Variants in NECAB1 observed in about 807,000 individuals in gnomAD.
The protein encoded by NECAB1 is N-terminal EF-hand calcium-binding protein 1.
In NECAB1, 29 loss-of-function variants were observed where a neutral mutation model predicts 57.5. The observed-to-expected ratio is 0.50, with a 90% confidence interval of 0.38 to 0.69. The LOEUF is 0.69. NECAB1 is among the 30% of genes least tolerant of loss of function. The pLI is 0.00. For synonymous variants in NECAB1, 142 were observed against 147.7 expected, an observed-to-expected ratio of 0.96 and a Z score of 0.28; for missense variants, 372 against 413.8, an observed-to-expected ratio of 0.90 and a Z score of 0.88.
At chr8:90,943,734 C>T (rs555760928) in intron 10 of NECAB1, among the ~76,000 whole-genome samples, 3 of 152,128 alleles carry the variant, frequency 2.0e-5, no homozygotes, top group Non-Finnish European at 4.4e-5. Flanking sequence ...TAAGGACTAA[C>T]AAGATTAGGC....
chr8:90,791,911 C>T lies in NECAB1; in HGVS notation c.25C>T (p.Pro9Ser). The change falls in exon 1 of 13, where the codon CCG (proline) becomes TCG (serine). Residue 9 changes from proline (P) to serine (S), a missense_variant. Transcript: ENST00000417640. MEDSQETS[P>S]SSNNSSEELS... ...GATGGAAGATTCCCAGGAGACATCGCCGTCCTCCAACAACTCCTCGGAGGA... is the reference window on the plus strand; with the variant it reads ...GATGGAAGATTCCCAGGAGACATCGTCGTCCTCCAACAACTCCTCGGAGGA... 6.4e-7 allele frequency: 1 copy of T among 1,552,026 alleles called. No homozygotes were observed. Among genetic ancestry groups the T allele is most frequent in the South Asian group, 1.2e-5 (1 of 84,074 alleles).
chr8:90,925,666 C>T lies in NECAB1; in HGVS notation c.616+10C>T, dbSNP rs755320177. ...AATGTCAGCGGTCCAGGTAACATAC[C>T]CTTCATTTGTTTTTATTTGTCAAAG... On this transcript the variant is annotated intron_variant, in intron 7 of 12. Coordinates refer to ENST00000417640, the MANE Select transcript of NECAB1 (RefSeq NM_022351.5). 1.2e-6 allele frequency: 2 copies of T among 1,613,090 alleles called. No individual in the cohort carries two copies. Among genetic ancestry groups the T allele is most frequent in the Non-Finnish European group, 1.7e-6 (2 of 1,179,490 alleles).
intron 3 of NECAB1, among the ~76,000 whole-genome samples, chr8:90,850,539 T>G (rs141453274): frequency 2.6e-5 from 4 of 152,250 alleles, no homozygotes; most frequent in Non-Finnish European, 5.9e-5. Flanking sequence ...TAAAGTATTG[T>G]TTGTCATAAA....
At chr8:90,872,096 T>TAAC (rs1205771441) in intron 3 of NECAB1, 32 bp from the exon 4 acceptor site, 2 of 1,522,270 alleles carry the variant, frequency 1.3e-6, no homozygotes, top group African/African-American at 2.8e-5. Flanking sequence ...ACCAAAGTAA[T>TAAC]AACACTGTTT....
chr8:90,892,683 A>G (rs1399069085), intron 5 of NECAB1, among the ~76,000 whole-genome samples: 1 of 152,226 alleles, frequency 6.6e-6, no homozygotes, highest in Non-Finnish European at 1.5e-5. Flanking sequence ...TCTGGGCCAC[A>G]TGAGGCAGAG....
Position 90,940,837 on chromosome 8 carries a change from G to T in NECAB1, c.799G>T (p.Glu267Ter). ...GTCTGTGATAGAAGAGGACCTGGAA[G>T]AATTCCAGCTCGCTCTGAAACACTA... ...QMSVIEEDLEEFQLALKHYVE... is the reference protein window; with the variant it reads ...QMSVIEEDLE Residue 267 changes from glutamate to a stop codon, truncating the protein, a stop_gained, in exon 10 of 13, where the codon GAA becomes TAA. Transcript: ENST00000417640. LOFTEE classifies it high-confidence loss of function. 1 of 1,565,178 alleles carries T rather than the reference G, an allele frequency of 6.4e-7. No homozygotes were observed. Among genetic ancestry groups the T allele is most frequent in the Non-Finnish European group, 8.7e-7 (1 of 1,154,420 alleles).
chr8:90,871,689 A>G (rs1203860228), intron 3 of NECAB1, among the ~76,000 whole-genome samples: 1 of 152,130 alleles, frequency 6.6e-6, no homozygotes, highest in African/African-American at 2.4e-5. Context: ...TCAGTGCTTT[A>G]TGTATTAATT....
intron 2 of NECAB1, among the ~76,000 whole-genome samples, chr8:90,806,895 A>G (rs1811855323): frequency 6.6e-6 from 1 of 152,228 alleles, no homozygotes; most frequent in African/African-American, 2.4e-5. Flanking sequence ...AATGAAGCTC[A>G]GAGATGTCAG....
At chr8:90,809,454 A>G (rs950180441) in intron 2 of NECAB1, among the ~76,000 whole-genome samples, 1 of 152,246 alleles carries the variant, frequency 6.6e-6, no homozygotes, top group African/African-American at 2.4e-5. Flanking sequence ...GCTATTGAAG[A>G]CTTCAGAAAA....
intron 5 of NECAB1, among the ~76,000 whole-genome samples, chr8:90,900,091 A>G (rs1809464454): frequency 6.6e-6 from 1 of 152,116 alleles, no homozygotes; most frequent in African/African-American, 2.4e-5. Context: ...CTATGAGTAA[A>G]CTTAGTGTTG....
At chr8:90,870,753 T>C (rs769352604) in intron 3 of NECAB1, among the ~76,000 whole-genome samples, 6 of 152,226 alleles carry the variant, frequency 3.9e-5, no homozygotes, top group Non-Finnish European at 7.3e-5. Flanking sequence ...AGACAAGTAA[T>C]CTGACAGAGT....
chr8:90,825,348 G>C (rs1812207943), intron 3 of NECAB1, among the ~76,000 whole-genome samples: 1 of 151,744 alleles, frequency 6.6e-6, no homozygotes, highest in African/African-American at 2.4e-5. Flanking sequence ...TGCCTATATA[G>C]ATCTCTCTTT....
chr8:90,925,231 A>G (rs373548614), intron 6 of NECAB1, among the ~76,000 whole-genome samples: 8 of 152,246 alleles, frequency 5.3e-5, no homozygotes, highest in African/African-American at 1.9e-4. Context: ...ATTAAACAAA[A>G]TACAATAGCT....
intron 5 of NECAB1, among the ~76,000 whole-genome samples, chr8:90,907,156 G>A (rs973138143): frequency 3.1e-5 from 4 of 128,650 alleles, no homozygotes; most frequent in Non-Finnish European, 5.0e-5. Flanking sequence ...GTGTGTGAGA[G>A]AGAGAGAGAG....
At chr8:90,944,365 T>A (rs1049063376) in intron 10 of NECAB1, among the ~76,000 whole-genome samples, 1 of 152,192 alleles carries the variant, frequency 6.6e-6, no homozygotes, top group Non-Finnish European at 1.5e-5. Context: ...ACAGAGGTTT[T>A]GTTTTAGTAG....
At chr8:90,811,106 C>G (rs1358186237) in intron 2 of NECAB1, among the ~76,000 whole-genome samples, 2 of 152,016 alleles carry the variant, frequency 1.3e-5, no homozygotes, top group East Asian at 3.9e-4. Flanking sequence ...TGCCACCATG[C>G]CCGGCTAATT....
chr8:90,831,903 G>C (rs1420387175), intron 3 of NECAB1, among the ~76,000 whole-genome samples: 1 of 152,114 alleles, frequency 6.6e-6, no homozygotes. Context: ...GAAGAATTAT[G>C]TACAAAGCTA....
chr8:90,838,545 T>C (rs2129738338), intron 3 of NECAB1, among the ~76,000 whole-genome samples: 1 of 152,286 alleles, frequency 6.6e-6, no homozygotes, highest in Non-Finnish European at 1.5e-5. Context: ...ACAGGGTGCA[T>C]GCACACTCAC....
chr8:90,933,242 A>G (rs1810452107), intron 8 of NECAB1, among the ~76,000 whole-genome samples: 2 of 152,176 alleles, frequency 1.3e-5, no homozygotes, highest in African/African-American at 4.8e-5. Context: ...TACCCAGAGG[A>G]AAAGAAGTCA....
Sources: allele counts gnomAD v4.1 joint callset (sites outside exome capture counted in the v4.1 genomes callset), GRCh38; gene constraint gnomAD v4.1.1; transcripts MANE v1.5; gene names NCBI Gene and HGNC (gene_info 2026-07-23, HGNC 2026-07-21).